KCNIP4: variants seen among roughly 807,000 people sequenced by gnomAD.
KCNIP4 encodes potassium voltage-gated channel interacting protein 4.
Under a neutral mutation model 34.0 loss-of-function variants are expected in KCNIP4, and 12 were observed. The ratio of observed to expected loss-of-function variants is 0.35; its 90% CI spans 0.23 to 0.57. The LOEUF (loss-of-function observed/expected upper bound fraction) is 0.57. KCNIP4 is among the 20% of genes least tolerant of loss of function. The probability of loss-of-function intolerance (pLI) is 0.83; values close to 1 mark genes in which losing one functional copy is unlikely to be tolerated. For missense variants in KCNIP4, 238 were observed against 311.7 expected (o/e 0.76, Z 1.78); for synonymous variants, 124 against 102.2 (o/e 1.21, Z -1.29).
chr4:21,815,137 C>A (rs1188930319), intron 1 of KCNIP4, among the ~76,000 whole-genome samples: 1 of 152,134 alleles, frequency 6.6e-6, no homozygotes, highest in African/African-American at 2.4e-5. Flanking sequence ...TTAAGGTGGA[C>A]TCTAAAACCA....
chr4:21,447,386 A>G lies in KCNIP4; in HGVS notation c.61+501185T>C, dbSNP rs115180516. Among the ~76,000 whole-genome samples, 534 of 152,240 alleles carry G rather than the reference A, an allele frequency of 3.5e-3. 3 individuals are homozygous for G. Among genetic ancestry groups the G allele is most frequent in the African/African-American group, 0.012 (503 of 41,526 alleles). Reference sequence around the variant, plus strand: ...GCTGACAACTTGATCTTGGCCTAGCAGTGTTGATTTCAGGCATCTGGACTC... The same window carrying G: ...GCTGACAACTTGATCTTGGCCTAGCGGTGTTGATTTCAGGCATCTGGACTC... On this transcript the variant is annotated intron_variant, in intron 1 of 8. Transcript: ENST00000382152.
intron 1 of KCNIP4, among the ~76,000 whole-genome samples, chr4:20,990,067 C>T (rs1047243165): frequency 7.2e-5 from 11 of 152,164 alleles, no homozygotes; most frequent in African/African-American, 2.7e-4. Flanking sequence ...GTGAAAGATG[C>T]CACTTAACAT....
At chr4:21,056,342 C>G (rs1474908801) in intron 1 of KCNIP4, among the ~76,000 whole-genome samples, 1 of 152,156 alleles carries the variant, frequency 6.6e-6, no homozygotes, top group Non-Finnish European at 1.5e-5. Flanking sequence ...GTTCTCTTGA[C>G]TGTTCTACTT....
intron 1 of KCNIP4, among the ~76,000 whole-genome samples, chr4:21,246,315 C>T (rs1346931637): frequency 6.6e-6 from 1 of 152,194 alleles, no homozygotes; most frequent in African/African-American, 2.4e-5. Context: ...AGACAGACTG[C>T]CTGGCAGCCT....
chr4:20,945,124 G>C (rs1241570781), intron 1 of KCNIP4, among the ~76,000 whole-genome samples: 1 of 152,156 alleles, frequency 6.6e-6, no homozygotes, highest in African/African-American at 2.4e-5. Context: ...TGATGAACCA[G>C]CAGCTTGGAC....
At chr4:21,931,412 TC>T (rs1209673569) in intron 1 of KCNIP4, among the ~76,000 whole-genome samples, 4 of 87,354 alleles carry the variant, frequency 4.6e-5, no homozygotes, top group African/African-American at 1.8e-4. Flanking sequence ...ATGCCATCCC[TC>T]CCCCCTCCCC....
intron 1 of KCNIP4, among the ~76,000 whole-genome samples, chr4:21,429,696 T>A (rs1461745850): frequency 6.6e-6 from 1 of 152,186 alleles, no homozygotes; most frequent in Non-Finnish European, 1.5e-5. Flanking sequence ...AGTGTCCCAT[T>A]TTTGTTTTAA....
At chr4:21,279,186 A>G (rs949701326) in intron 1 of KCNIP4, among the ~76,000 whole-genome samples, 17 of 152,210 alleles carry the variant, frequency 1.1e-4, no homozygotes, top group Non-Finnish European at 2.4e-4. Context: ...CTTATTTTGC[A>G]TCAACGTAAT....
chr4:21,189,461 G>T (rs149581918), intron 1 of KCNIP4, among the ~76,000 whole-genome samples: 1 of 152,276 alleles, frequency 6.6e-6, no homozygotes, highest in East Asian at 1.9e-4. Context: ...TATTTTGAGA[G>T]ATTCTTACTA....
intron 1 of KCNIP4, among the ~76,000 whole-genome samples, chr4:21,481,489 C>G (rs1356860384): frequency 6.6e-6 from 1 of 152,142 alleles, no homozygotes; most frequent in Admixed American, 6.5e-5. Flanking sequence ...GTCATAGTGG[C>G]TTGGGATCTC....
intron 1 of KCNIP4, among the ~76,000 whole-genome samples, chr4:21,923,706 G>T (rs886339751): frequency 6.6e-6 from 1 of 152,116 alleles, no homozygotes; most frequent in Non-Finnish European, 1.5e-5. Context: ...CTAGCCCACC[G>T]TGGGCTCATC....
intron 1 of KCNIP4, among the ~76,000 whole-genome samples, chr4:21,721,746 C>A (rs1287479582): frequency 6.6e-6 from 1 of 152,126 alleles, no homozygotes; most frequent in Non-Finnish European, 1.5e-5. Context: ...TCCAATAATA[C>A]TTTTGCTGCT....
Position 21,382,244 on chromosome 4 carries a change from T to C in KCNIP4, c.62-499535A>G, listed in dbSNP as rs538032736. Among the ~76,000 whole-genome samples the C allele has an allele frequency of 7.9e-5, 12 of 152,194 alleles. No individual in the cohort carries two copies. The South Asian group carries it at 2.3e-3, about 29-fold the overall frequency. ...ATGGCAGGCCATGAGCCCAGTGAGG[T>C]AAACAGGAACATTCAGGACATCACA... On this transcript the variant is annotated intron_variant, in intron 1 of 8. Transcript: ENST00000382152.
intron 1 of KCNIP4, among the ~76,000 whole-genome samples, chr4:21,570,342 C>A (rs1003559582): frequency 6.6e-6 from 1 of 151,928 alleles, no homozygotes; most frequent in Non-Finnish European, 1.5e-5. Flanking sequence ...TCCTGAAGGC[C>A]CTGAGCATTG....
chr4:21,893,328 C>T (rs920825812), intron 1 of KCNIP4, among the ~76,000 whole-genome samples: 3 of 152,164 alleles, frequency 2.0e-5, no homozygotes, highest in Admixed American at 6.5e-5. Flanking sequence ...CCTCCACTTA[C>T]GAAATGAACA....
intron 1 of KCNIP4, among the ~76,000 whole-genome samples, chr4:21,794,232 C>A (rs1410534268): frequency 1.3e-5 from 2 of 152,082 alleles, no homozygotes; most frequent in African/African-American, 4.8e-5. Context: ...GGTAACAAAC[C>A]TGCACGTTGT....
intron 3 of KCNIP4, among the ~76,000 whole-genome samples, chr4:20,844,252 C>T (rs1184492333): frequency 3.3e-5 from 5 of 152,170 alleles, no homozygotes; most frequent in Admixed American, 3.3e-4. Context: ...GGCTTATAGG[C>T]AATCTTCCCT....
intron 1 of KCNIP4, among the ~76,000 whole-genome samples, chr4:21,791,577 GACTC>G (rs544730648): frequency 1.1e-3 from 171 of 152,164 alleles, no homozygotes; most frequent in Admixed American, 2.1e-3. Flanking sequence ...ACAACCGCGG[GACTC>G]ACTCTGGTGA....
intron 1 of KCNIP4, among the ~76,000 whole-genome samples, chr4:21,233,949 A>G (rs962662491): frequency 7.2e-6 from 1 of 138,854 alleles, no homozygotes; most frequent in African/African-American, 2.7e-5. Context: ...AATATTACAT[A>G]TAACATATAT....
Sources: allele counts gnomAD v4.1 joint callset (sites outside exome capture counted in the v4.1 genomes callset), GRCh38; gene constraint gnomAD v4.1.1; transcripts MANE v1.5; gene names NCBI Gene and HGNC (gene_info 2026-07-23, HGNC 2026-07-21).